Variants in STAU1 observed in about 807,000 individuals in gnomAD.
The protein encoded by STAU1 is double-stranded RNA-binding protein Staufen homolog 1.
A neutral mutation model predicts 62.9 loss-of-function variants in STAU1; 13 were observed. The observed-to-expected ratio is 0.21, with a 90% CI of 0.13 to 0.33. STAU1 has a LOEUF of 0.33. STAU1 is among the 10% of genes least tolerant of loss of function. The probability of loss-of-function intolerance (pLI) is 1.00; values close to 1 mark genes in which losing one functional copy is unlikely to be tolerated. For missense variants in STAU1, 571 were observed against 712.1 expected (o/e 0.80, Z 2.25); for synonymous variants, 269 against 265.1 (o/e 1.01, Z -0.14).
upstream of STAU1, among the ~76,000 whole-genome samples, chr20:49,191,825 C>T (rs535567548): frequency 9.2e-5 from 14 of 152,124 alleles, no homozygotes; most frequent in South Asian, 1.0e-3. Context: ...CCAAGGCAGG[C>T]GGATCTCTTG....
intron 3 of STAU1, among the ~76,000 whole-genome samples, chr20:49,164,977 C>T (rs2093503577): frequency 6.6e-6 from 1 of 152,124 alleles, no homozygotes; most frequent in South Asian, 2.1e-4. Flanking sequence ...TAAAATCTTA[C>T]GGACATTCAA....
At chr20:49,128,329 A>C (rs2092677592) in intron 6 of STAU1, among the ~76,000 whole-genome samples, 1 of 152,122 alleles carries the variant, frequency 6.6e-6, no homozygotes, top group Admixed American at 6.6e-5. Context: ...TTTCTCTAAA[A>C]TCAAATAAAA....
chr20:49,199,911 T>C, the STAU1 span, among the ~76,000 whole-genome samples: 1 of 152,030 alleles, frequency 6.6e-6, no homozygotes, highest in African/African-American at 2.4e-5. Flanking sequence ...GATCTCACTA[T>C]ATTGCCCAGG....
chr20:49,197,367 C>T, the STAU1 span, among the ~76,000 whole-genome samples: 2 of 149,560 alleles, frequency 1.3e-5, no homozygotes, highest in Non-Finnish European at 3.0e-5. Flanking sequence ...GGAATACATA[C>T]ATATATACAT....
At chr20:49,137,832 A>ATTTTTTTTTTTT (rs34370524) in intron 5 of STAU1, among the ~76,000 whole-genome samples, 4 of 128,434 alleles carry the variant, frequency 3.1e-5, no homozygotes, top group African/African-American at 2.9e-5. Context: ...CACCCGGCTA[A>ATTTTTTTTTTTT]TTTTTTTTTT....
At chr20:49,124,744 G>A (rs1310649843) in intron 6 of STAU1, 157 bp from the exon 7 acceptor site, 3 of 735,702 alleles carry the variant, frequency 4.1e-6, no homozygotes, top group East Asian at 2.6e-5. Context: ...ATGCTTTCTC[G>A]CCTTTCTTCT....
upstream of STAU1, among the ~76,000 whole-genome samples, chr20:49,190,824 C>T (rs1016571091): frequency 6.6e-6 from 1 of 151,826 alleles, no homozygotes; most frequent in Non-Finnish European, 1.5e-5. Flanking sequence ...TATGTGTGTT[C>T]CTTCTCACAA....
At chr20:49,123,610 C>A (rs2092520840) in intron 7 of STAU1, among the ~76,000 whole-genome samples, 1 of 152,152 alleles carries the variant, frequency 6.6e-6, no homozygotes, top group South Asian at 2.1e-4. Context: ...GAAAAGAACT[C>A]AAAATCCAGG....
intron 12 of STAU1, 25 bp from the exon 13 acceptor site, chr20:49,115,892 A>C: frequency 6.2e-7 from 1 of 1,607,564 alleles, no homozygotes; most frequent in Non-Finnish European, 8.5e-7. Context: ...AAGAAGGGTA[A>C]AGCCACAGCC....
intron 1 of STAU1, among the ~76,000 whole-genome samples, chr20:49,186,865 G>A (rs973869224): frequency 6.6e-6 from 1 of 151,930 alleles, no homozygotes; most frequent in Non-Finnish European, 1.5e-5. Flanking sequence ...AGAGAAGTGT[G>A]ACCTTAAAAA....
At chr20:49,208,865 G>T in the STAU1 span, among the ~76,000 whole-genome samples, 1 of 151,496 alleles carries the variant, frequency 6.6e-6, no homozygotes, top group African/African-American at 2.4e-5. Context: ...CTCCTGATCC[G>T]CCTGCCTCGG....
rs2092702788 is a variant in STAU1 at position 49,129,314 on chromosome 20, G to A, written c.610-4727C>T. On this transcript the variant is annotated intron_variant, in intron 6 of 13. Coordinates refer to ENST00000371856, the MANE Select transcript of STAU1 (RefSeq NM_017453.4). ...TTTTTTTTTTTTTTTTTGAGACGGA[G>A]TCTCACTCTGTCACCCAGGGTGGAA... Among the ~76,000 whole-genome samples, 2 of 115,768 alleles carry A rather than the reference G, an allele frequency of 1.7e-5. 1 individual carries two copies. Among genetic ancestry groups the A allele is most frequent in the South Asian group, 5.1e-4 (2 of 3,922 alleles). The allele number at this position is 115,768 out of a possible 152,430, so 75.9% of individuals were successfully genotyped here.
intron 1 of STAU1, among the ~76,000 whole-genome samples, chr20:49,178,343 G>A (rs1196494944): frequency 2.0e-5 from 3 of 152,078 alleles, no homozygotes; most frequent in East Asian, 1.9e-4. Flanking sequence ...ACCAGGCACC[G>A]TGGCTCAGGC....
Position 49,114,543 on chromosome 20 carries a change from A to C in STAU1, c.*335T>G. 1 of 287,924 alleles carries C rather than the reference A, an allele frequency of 3.5e-6. No individual in the cohort carries two copies. Among genetic ancestry groups the C allele is most frequent in the Non-Finnish European group, 6.5e-6 (1 of 153,066 alleles). The allele number at this position is 287,924 out of a possible 1,614,324, so 17.8% of individuals were successfully genotyped here. A position where few individuals can be genotyped will look rare whatever the true frequency, so the allele number is the denominator to read the frequency against. ...TGCCGTTTCTTCTTTCACACAGGGG[A>C]AAAAAAAGACCAAACACGGAGGTGC... On this transcript the variant is annotated 3_prime_UTR_variant, in exon 14 of 14. Transcript: ENST00000371856.
chr20:49,208,173 C>T, the STAU1 span, among the ~76,000 whole-genome samples: 1 of 152,118 alleles, frequency 6.6e-6, no homozygotes, highest in Non-Finnish European at 1.5e-5. Context: ...GATTCTCCTG[C>T]CTGAGCCTTC....
At chr20:49,139,731 A>G (rs1192147895) in intron 5 of STAU1, among the ~76,000 whole-genome samples, 1 of 152,032 alleles carries the variant, frequency 6.6e-6, no homozygotes, top group Non-Finnish European at 1.5e-5. Context: ...TGTTTCAAAA[A>G]AAAAAAAATC....
chr20:49,135,076 C>T, intron 6 of STAU1: 1 of 1,145,036 alleles, frequency 8.7e-7, no homozygotes, highest in South Asian at 1.2e-5. Context: ...GCAAGATGTA[C>T]ACAATCTTTT....
chr20:49,176,934 C>CA (rs2093667251), intron 1 of STAU1, among the ~76,000 whole-genome samples: 1 of 143,044 alleles, frequency 7.0e-6, no homozygotes, highest in Non-Finnish European at 1.5e-5. Flanking sequence ...TTTTTTGAGA[C>CA]AGAGTCTCGC....
upstream of STAU1, among the ~76,000 whole-genome samples, chr20:49,189,669 GA>G (rs1427251580): frequency 6.7e-6 from 1 of 149,256 alleles, no homozygotes; most frequent in Non-Finnish European, 1.5e-5. Context: ...CACACTCAGC[GA>G]AAATTATGCT....
Sources: gnomAD v4.1 joint callset for allele counts (sites outside exome capture counted in the v4.1 genomes callset) on GRCh38, gnomAD v4.1.1 for gene constraint, MANE v1.5 for transcripts, NCBI Gene and HGNC (gene_info 2026-07-23, HGNC 2026-07-21) for gene names.